THSD4: variants seen among roughly 807,000 people sequenced by gnomAD.
The protein encoded by THSD4 is thrombospondin type 1 domain containing 4, also known as thrombospondin type-1 domain-containing protein 4.
In THSD4, 69 loss-of-function variants were observed where a neutral mutation model predicts 119.0. The ratio of observed to expected loss-of-function variants is 0.58; its 90% CI spans 0.48 to 0.71. The LOEUF is 0.71. THSD4 is among the 30% of genes least tolerant of loss of function. The probability of loss-of-function intolerance (pLI) is 0.00; values close to 1 mark genes in which losing one functional copy is unlikely to be tolerated. For missense variants in THSD4, 1,393 were observed against 1,391.1 expected, an observed-to-expected ratio of 1.00 and a Z score of -0.02; for synonymous variants, 524 against 540.4, an observed-to-expected ratio of 0.97 and a Z score of 0.42.
intron 6 of THSD4, among the ~76,000 whole-genome samples, chr15:71,409,245 A>C (rs1044188850): frequency 1.3e-5 from 2 of 151,918 alleles, no homozygotes; most frequent in Non-Finnish European, 2.9e-5. Flanking sequence ...CAAAAGATAC[A>C]GATAGTTGGG....
At chr15:71,549,986 C>T (rs1028771797) in intron 7 of THSD4, among the ~76,000 whole-genome samples, 2 of 152,226 alleles carry the variant, frequency 1.3e-5, no homozygotes, top group Admixed American at 1.3e-4. Context: ...GGTGTCAGTG[C>T]ATGGGTTGGA....
At chr15:71,223,267 C>T (rs945463618) in intron 4 of THSD4, among the ~76,000 whole-genome samples, 3 of 152,212 alleles carry the variant, frequency 2.0e-5, no homozygotes, top group Non-Finnish European at 4.4e-5. Flanking sequence ...CGACATCATG[C>T]TCCTTTCAGA....
At chr15:71,334,495 C>T (rs945129688) in intron 6 of THSD4, among the ~76,000 whole-genome samples, 6 of 152,190 alleles carry the variant, frequency 3.9e-5, no homozygotes, top group Non-Finnish European at 7.3e-5. Context: ...GTCAGTAGCT[C>T]TCATTTTTAT....
chr15:71,560,974 T>A (rs960965728), intron 7 of THSD4, among the ~76,000 whole-genome samples: 4,009 of 69,236 alleles, frequency 0.058, 197 homozygotes, highest in African/African-American at 0.089. Context: ...CTTTATCTTT[T>A]TTTTTTTTTT....
intron 4 of THSD4, among the ~76,000 whole-genome samples, chr15:71,222,773 G>T (rs1386173056): frequency 1.3e-5 from 2 of 152,164 alleles, no homozygotes; most frequent in Admixed American, 1.3e-4. Context: ...AGCAGTTTGT[G>T]GCCAGCTCTC....
At chr15:71,494,000 C>G (rs1473475437) in intron 7 of THSD4, among the ~76,000 whole-genome samples, 1 of 152,204 alleles carries the variant, frequency 6.6e-6, no homozygotes, top group Non-Finnish European at 1.5e-5. Context: ...TTGGCTCTGA[C>G]CTTCCTAGTT....
intron 7 of THSD4, among the ~76,000 whole-genome samples, chr15:71,483,259 T>G (rs2047762394): frequency 6.6e-6 from 1 of 152,098 alleles, no homozygotes; most frequent in East Asian, 1.9e-4. Flanking sequence ...CTCCAATACC[T>G]CAATTCTTCT....
intron 7 of THSD4, among the ~76,000 whole-genome samples, chr15:71,457,123 G>T (rs558926085): frequency 6.6e-6 from 1 of 152,218 alleles, no homozygotes; most frequent in Non-Finnish European, 1.5e-5. Flanking sequence ...GCTCACACCT[G>T]CAATCCCAGC....
chr15:71,400,948 A>C (rs1596402919), intron 6 of THSD4, among the ~76,000 whole-genome samples: 2 of 152,316 alleles, frequency 1.3e-5, no homozygotes, highest in Admixed American at 1.3e-4. Context: ...CCTATTCTCC[A>C]GGAACAGCTT....
chr15:71,410,569 CGAG>C (rs769364520), intron 6 of THSD4, among the ~76,000 whole-genome samples: 54 of 152,180 alleles, frequency 3.5e-4, no homozygotes, highest in Middle Eastern at 3.4e-3. Flanking sequence ...TAAAGGTAGG[CGAG>C]GTTCCGCTCT....
At position 71,417,143 on chromosome 15, in the gene THSD4, C is replaced by G. The variant is rs1003437979; in HGVS notation, c.1152+5320C>G. Among the ~76,000 whole-genome samples the G allele has an allele frequency of 1.8e-5, 2 of 108,362 alleles. 1 individual carries two copies. Among genetic ancestry groups the G allele is most frequent in the Non-Finnish European group, 4.1e-5 (2 of 49,356 alleles). The allele number at this position is 108,362 out of a possible 152,430, so 71.1% of individuals were successfully genotyped here. ...TATATTTTGGTTATTAATCCCTTGT[C>G]AGATGGGTAGTTTGCAAATATTTTC... is the stretch of plus-strand genomic sequence containing the variant. On this transcript the variant is annotated intron_variant, in intron 7 of 17. Transcript: ENST00000261862.
chr15:71,239,039 A>G (rs1292603191), intron 4 of THSD4, among the ~76,000 whole-genome samples: 3 of 152,194 alleles, frequency 2.0e-5, no homozygotes, highest in Admixed American at 6.5e-5. Context: ...AAGGTGCATT[A>G]TTTGCCAAAG....
chr15:71,273,974 T>C (rs2044561930), intron 6 of THSD4, among the ~76,000 whole-genome samples: 2 of 152,210 alleles, frequency 1.3e-5, no homozygotes, highest in Non-Finnish European at 2.9e-5. Context: ...ATTAGTGTGC[T>C]GCTGCTGCAA....
chr15:71,133,011 CG>C (rs1439932716), intron 1 of THSD4, among the ~76,000 whole-genome samples: 1 of 152,210 alleles, frequency 6.6e-6, no homozygotes, highest in African/African-American at 2.4e-5. Context: ...GTCATCATCT[CG>C]GAGAAAGGGC....
At chr15:71,133,004 A>G (rs1230148191) in intron 1 of THSD4, among the ~76,000 whole-genome samples, 2 of 152,250 alleles carry the variant, frequency 1.3e-5, no homozygotes, top group African/African-American at 4.8e-5. Flanking sequence ...GAGATGGGTC[A>G]TCATCTCGGA....
chr15:71,771,659 G>A (rs778116433), intron 17 of THSD4, among the ~76,000 whole-genome samples: 5 of 152,142 alleles, frequency 3.3e-5, no homozygotes, highest in East Asian at 1.9e-4. Context: ...TCAGAGGGGC[G>A]TAGTGCAAGC....
intron 7 of THSD4, among the ~76,000 whole-genome samples, chr15:71,623,638 A>G (rs2050456830): frequency 6.6e-6 from 1 of 152,114 alleles, no homozygotes; most frequent in Non-Finnish European, 1.5e-5. Flanking sequence ...TAATCAGAGA[A>G]TCGGCCGGAA....
At chr15:71,577,931 C>T (rs2140909743) in intron 7 of THSD4, among the ~76,000 whole-genome samples, 1 of 150,716 alleles carries the variant, frequency 6.6e-6, no homozygotes, top group East Asian at 2.0e-4. Context: ...CCATGTTGGC[C>T]AGGCTGGGCT....
chr15:71,240,154 G>T (rs568295559), intron 4 of THSD4, among the ~76,000 whole-genome samples: 1 of 152,206 alleles, frequency 6.6e-6, no homozygotes, highest in Admixed American at 6.5e-5. Flanking sequence ...ACCCCCTCAG[G>T]CCTTTGGGAA....
Sources: allele counts gnomAD v4.1 joint callset (sites outside exome capture counted in the v4.1 genomes callset), GRCh38; gene constraint gnomAD v4.1.1; transcripts MANE v1.5; gene names NCBI Gene and HGNC (gene_info 2026-07-23, HGNC 2026-07-21).